The following EFCAB6 variants were observed in gnomAD, a reference collection of about 807,000 sequenced individuals.
EFCAB6 encodes EF-hand calcium-binding domain-containing protein 6.
EFCAB6 carries 156 observed loss-of-function variants against 169.8 expected under a neutral mutation model. The ratio of observed to expected loss-of-function variants is 0.92; its 90% CI spans 0.81 to 1.05. EFCAB6 has a LOEUF of 1.05. Ranked by LOEUF, EFCAB6 falls within the 50% of genes least tolerant of loss-of-function variation. The pLI is 0.00. For synonymous variants in EFCAB6, 698 were observed against 676.4 expected (o/e 1.03, Z -0.50); for missense variants, 1,800 against 1,829.1 (o/e 0.98, Z 0.29).
chr22:43,554,087 G>C (rs545853227), intron 27 of EFCAB6: 1 of 152,398 alleles, frequency 6.6e-6, no homozygotes, highest in Non-Finnish European at 1.5e-5. Flanking sequence ...CCCTCCAGGC[G>C]TGGGGACCGA....
At chr22:43,607,202 C>A (rs193031704) in intron 22 of EFCAB6, among the ~76,000 whole-genome samples, 180 of 152,312 alleles carry the variant, frequency 1.2e-3, no homozygotes, top group African/African-American at 4.1e-3. Context: ...AGAACACCTG[C>A]CTCCCTGCAG....
intron 1 of EFCAB6, 127 bp downstream of exon 1, chr22:43,812,041 C>A (rs1303495805): frequency 7.1e-6 from 1 of 141,048 alleles, no homozygotes; most frequent in African/African-American, 2.5e-5. Context: ...GAATCACCAC[C>A]CCTTCGTCCC....
intron 27 of EFCAB6, among the ~76,000 whole-genome samples, chr22:43,544,905 G>A (rs1333433890): frequency 1.3e-5 from 2 of 152,006 alleles, no homozygotes; most frequent in Admixed American, 6.6e-5. Flanking sequence ...GGCAGATCAC[G>A]AGGTCAGGAG....
At chr22:43,629,656 A>G (rs1342981049) in intron 19 of EFCAB6, among the ~76,000 whole-genome samples, 1 of 152,134 alleles carries the variant, frequency 6.6e-6, no homozygotes, top group Non-Finnish European at 1.5e-5. Flanking sequence ...AGAGAGGGGA[A>G]TGTGCAGTGG....
intron 21 of EFCAB6, among the ~76,000 whole-genome samples, chr22:43,613,288 C>G (rs948382607): frequency 1.2e-4 from 18 of 150,582 alleles, no homozygotes; most frequent in African/African-American, 4.4e-4. Flanking sequence ...TTATATAACA[C>G]AAATATAAAG....
chr22:43,663,323 C>T (rs768138723), intron 17 of EFCAB6, among the ~76,000 whole-genome samples: 8 of 152,168 alleles, frequency 5.3e-5, no homozygotes, highest in South Asian at 2.1e-4. Flanking sequence ...GCCTTACATC[C>T]GGTCTAACCT....
At chr22:43,626,389 C>A in intron 20 of EFCAB6, 58 bp downstream of exon 20, 2 of 1,520,064 alleles carry the variant, frequency 1.3e-6, no homozygotes, top group Non-Finnish European at 1.8e-6. Flanking sequence ...AAATGCTGGA[C>A]GTCACAGTGG....
intron 22 of EFCAB6, among the ~76,000 whole-genome samples, chr22:43,606,709 T>C (rs2052938525): frequency 1.3e-5 from 2 of 152,214 alleles, no homozygotes; most frequent in East Asian, 1.9e-4. Flanking sequence ...TAAACAATAG[T>C]GGACAAAACT....
At chr22:43,565,580 G>A (rs2147161847) in intron 26 of EFCAB6, among the ~76,000 whole-genome samples, 1 of 152,324 alleles carries the variant, frequency 6.6e-6, no homozygotes, top group South Asian at 2.1e-4. Flanking sequence ...AGAACAACAG[G>A]TTGTGACAAA....
chr22:43,535,201 G>T (rs2047313421), intron 29 of EFCAB6: 3 of 235,972 alleles, frequency 1.3e-5, no homozygotes, highest in African/African-American at 2.3e-5. Flanking sequence ...GCAGAGTCAG[G>T]TGTGTGAGGA....
chr22:43,640,396 A>G (rs1468524138), intron 17 of EFCAB6, among the ~76,000 whole-genome samples: 1 of 152,194 alleles, frequency 6.6e-6, no homozygotes, highest in African/African-American at 2.4e-5. Context: ...GTTGGGCTGC[A>G]GTTTAAATTT....
chr22:43,809,881 C>G (rs941675393), intron 1 of EFCAB6, among the ~76,000 whole-genome samples: 1 of 152,158 alleles, frequency 6.6e-6, no homozygotes, highest in Non-Finnish European at 1.5e-5. Flanking sequence ...GCTGGGATTA[C>G]AGGCATGAGC....
intron 8 of EFCAB6, among the ~76,000 whole-genome samples, chr22:43,725,973 C>T (rs1224764222): frequency 2.6e-5 from 4 of 152,030 alleles, no homozygotes; most frequent in Non-Finnish European, 4.4e-5. Context: ...CTGGGATAGG[C>T]CAATAGGCTT....
At chr22:43,600,783 C>T (rs2052457283) in intron 22 of EFCAB6, among the ~76,000 whole-genome samples, 1 of 152,136 alleles carries the variant, frequency 6.6e-6, no homozygotes. Context: ...CCTGCCTCAG[C>T]CTCCCGAGTA....
intron 5 of EFCAB6, chr22:43,759,089 GGCGTAC>G (rs2061058843): frequency 6.6e-6 from 1 of 152,248 alleles, no homozygotes; most frequent in African/African-American, 2.4e-5. Context: ...CTGGCATGGT[GGCGTAC>G]GCCTGGCCAA....
chr22:43,713,754 T>C (rs1032813516), intron 9 of EFCAB6, among the ~76,000 whole-genome samples: 1 of 152,178 alleles, frequency 6.6e-6, no homozygotes, highest in African/African-American at 2.4e-5. Context: ...GGAGAATGTA[T>C]AACTTGCAAA....
chr22:43,645,863 AC>A (rs200237483), intron 17 of EFCAB6, among the ~76,000 whole-genome samples: 29 of 152,056 alleles, frequency 1.9e-4, no homozygotes, highest in Non-Finnish European at 8.8e-5. Flanking sequence ...AAAAAAAAAA[AC>A]AAAAACAAAA....
At chr22:43,756,113 T>C (rs2060948806) in intron 5 of EFCAB6, among the ~76,000 whole-genome samples, 1 of 152,212 alleles carries the variant, frequency 6.6e-6, no homozygotes, top group South Asian at 2.1e-4. Flanking sequence ...GGACTTTCTG[T>C]GTCCCAAGCC....
At chr22:43,791,878 G>A (rs2062306185) in intron 2 of EFCAB6, among the ~76,000 whole-genome samples, 1 of 152,318 alleles carries the variant, frequency 6.6e-6, no homozygotes, top group African/African-American at 2.4e-5. Context: ...AGAATCAGCA[G>A]CATGTCTGAA....
Sources: allele counts gnomAD v4.1 joint callset (sites outside exome capture counted in the v4.1 genomes callset), GRCh38; gene constraint gnomAD v4.1.1; transcripts MANE v1.5; gene names NCBI Gene and HGNC (gene_info 2026-07-23, HGNC 2026-07-21).